The following ARHGAP22 variants were observed in gnomAD, a reference collection of about 807,000 sequenced individuals.
The protein encoded by ARHGAP22 is Rho GTPase activating protein 22.
A neutral mutation model predicts 59.1 loss-of-function variants in ARHGAP22; 48 were observed. The observed-to-expected ratio is 0.81, with a 90% confidence interval of 0.64 to 1.03. The LOEUF (loss-of-function observed/expected upper bound fraction) is 1.03. Ranked by LOEUF, ARHGAP22 falls within the 50% of genes least tolerant of loss-of-function variation. The pLI is 0.00. For synonymous variants in ARHGAP22, 445 were observed against 416.4 expected (o/e 1.07, Z -0.84); for missense variants, 1,015 against 958.7 (o/e 1.06, Z -0.78).
At chr10:48,584,810 C>T (rs559101482) in intron 1 of ARHGAP22, among the ~76,000 whole-genome samples, 9 of 152,166 alleles carry the variant, frequency 5.9e-5, no homozygotes, top group South Asian at 2.1e-4. Context: ...TTGGCTAACA[C>T]GGCGAAACCC....
Position 48,562,441 on chromosome 10 carries a change from C to A in ARHGAP22, c.235-6891G>T, listed in dbSNP as rs1245374313. ...CAAATTGAGGTACCTGCATACAGTG[C>A]AATACTACCCAGCAATATGAATGAA... On this transcript the variant is annotated intron_variant, in intron 2 of 9. Coordinates refer to ENST00000249601, the MANE Select transcript of ARHGAP22 (RefSeq NM_021226.4). 2.0e-5 allele frequency among the ~76,000 whole-genome samples: 3 copies of A among 152,126 alleles called. No individual in the cohort carries two copies. The South Asian group carries it at 6.2e-4, about 32-fold the overall frequency.
chr10:48,649,132 G>C (rs76080969), intron 1 of ARHGAP22, among the ~76,000 whole-genome samples: 1 of 152,156 alleles, frequency 6.6e-6, no homozygotes, highest in East Asian at 1.9e-4. Flanking sequence ...TATGCCTCAC[G>C]AGAACAAGTC....
At chr10:48,482,439 G>A (rs138767745) in intron 3 of ARHGAP22, among the ~76,000 whole-genome samples, 29 of 152,286 alleles carry the variant, frequency 1.9e-4, no homozygotes, top group African/African-American at 6.7e-4. Flanking sequence ...GCTGGGAATC[G>A]TTTCTTTCTT....
chr10:48,448,387 T>C (rs1026224084), intron 9 of ARHGAP22, among the ~76,000 whole-genome samples: 1 of 152,256 alleles, frequency 6.6e-6, no homozygotes, highest in Non-Finnish European at 1.5e-5. Context: ...ATCGTGCTTA[T>C]GGTCTTTGTC....
At chr10:48,519,243 A>G (rs957711716) in intron 3 of ARHGAP22, among the ~76,000 whole-genome samples, 2 of 152,164 alleles carry the variant, frequency 1.3e-5, no homozygotes, top group African/African-American at 4.8e-5. Context: ...TCCAAGACAG[A>G]GCAGGGCACT....
upstream of ARHGAP22, among the ~76,000 whole-genome samples, chr10:48,608,575 G>A (rs2060763044): frequency 6.6e-6 from 1 of 152,152 alleles, no homozygotes; most frequent in African/African-American, 2.4e-5. Context: ...GGGGTCACCA[G>A]CACCTGGGTC....
intron 9 of ARHGAP22, among the ~76,000 whole-genome samples, chr10:48,449,227 C>T (rs148102789): frequency 6.6e-6 from 1 of 152,338 alleles, no homozygotes; most frequent in East Asian, 1.9e-4. Context: ...CCCTTGGGTT[C>T]TACTGATGCT....
chr10:48,591,180 T>C (rs1008910742), intron 1 of ARHGAP22, among the ~76,000 whole-genome samples: 2 of 151,916 alleles, frequency 1.3e-5, no homozygotes, highest in Admixed American at 6.6e-5. Context: ...AGAGGGAGGG[T>C]GACTGCGAGC....
intron 1 of ARHGAP22, among the ~76,000 whole-genome samples, chr10:48,619,545 C>G (rs958716836): frequency 2.6e-5 from 4 of 152,166 alleles, no homozygotes; most frequent in African/African-American, 9.7e-5. Flanking sequence ...CACAGATTTA[C>G]AGCCAACTGA....
intron 3 of ARHGAP22, among the ~76,000 whole-genome samples, chr10:48,525,028 A>G (rs1465743315): frequency 2.6e-5 from 4 of 152,172 alleles, no homozygotes; most frequent in Non-Finnish European, 4.4e-5. Context: ...GTGAGCTATC[A>G]TCATCATCAA....
At chr10:48,577,673 A>G (rs936605826) in intron 2 of ARHGAP22, among the ~76,000 whole-genome samples, 27 of 147,102 alleles carry the variant, frequency 1.8e-4, no homozygotes, top group Non-Finnish European at 3.4e-4. Context: ...CAGAGTCCCC[A>G]TTATAAAGGG....
intron 1 of ARHGAP22, among the ~76,000 whole-genome samples, chr10:48,630,025 G>A (rs2061575592): frequency 6.6e-6 from 1 of 152,066 alleles, no homozygotes; most frequent in Admixed American, 6.6e-5. Flanking sequence ...GTATGGAAAA[G>A]CAAAAAATAG....
At chr10:48,488,761 A>G (rs2050088475) in intron 3 of ARHGAP22, among the ~76,000 whole-genome samples, 2 of 152,180 alleles carry the variant, frequency 1.3e-5, no homozygotes, top group Admixed American at 6.5e-5. Flanking sequence ...TCTTTGCCCA[A>G]CCTGGGGTAG....
At chr10:48,563,086 A>G (rs1252991525) in intron 2 of ARHGAP22, among the ~76,000 whole-genome samples, 1 of 151,570 alleles carries the variant, frequency 6.6e-6, no homozygotes, top group Non-Finnish European at 1.5e-5. Context: ...CAGCAGCCTC[A>G]CATCTTCAAA....
At chr10:48,587,954 C>A (rs2059528657) in intron 1 of ARHGAP22, among the ~76,000 whole-genome samples, 1 of 152,256 alleles carries the variant, frequency 6.6e-6, no homozygotes, top group Non-Finnish European at 1.5e-5. Flanking sequence ...TCTGTCCAGG[C>A]ATGCCTGCCC....
chr10:48,512,263 G>A (rs2052851880), intron 3 of ARHGAP22, among the ~76,000 whole-genome samples: 1 of 152,240 alleles, frequency 6.6e-6, no homozygotes, highest in African/African-American at 2.4e-5. Context: ...TCTCAGTTGT[G>A]TAGTATTAAC....
At chr10:48,469,302 G>T (rs571751406) in intron 4 of ARHGAP22, among the ~76,000 whole-genome samples, 1 of 152,350 alleles carries the variant, frequency 6.6e-6, no homozygotes, top group Admixed American at 6.5e-5. Flanking sequence ...CACCTCAGGG[G>T]TGGTTTTTAG....
intron 1 of ARHGAP22, among the ~76,000 whole-genome samples, chr10:48,596,769 C>T (rs1173482462): frequency 6.6e-6 from 1 of 152,186 alleles, no homozygotes; most frequent in Non-Finnish European, 1.5e-5. Context: ...TGGAAGAGAC[C>T]GTGCCCCCTT....
chr10:48,625,355 G>T (rs187992755), intron 1 of ARHGAP22, among the ~76,000 whole-genome samples: 2 of 152,140 alleles, frequency 1.3e-5, no homozygotes, highest in Non-Finnish European at 2.9e-5. Flanking sequence ...AGATGTGATC[G>T]TGACCCCCTT....
Sources: gnomAD v4.1 joint callset for allele counts (sites outside exome capture counted in the v4.1 genomes callset) on GRCh38, gnomAD v4.1.1 for gene constraint, MANE v1.5 for transcripts, NCBI Gene and HGNC (gene_info 2026-07-23, HGNC 2026-07-21) for gene names.